RUFY2: variants seen among roughly 807,000 people sequenced by gnomAD.
RUFY2 encodes the protein RUN and FYVE domain containing 2.
RUFY2 carries 49 observed loss-of-function variants against 94.4 expected under a neutral mutation model. The observed-to-expected ratio is 0.52, with a 90% CI of 0.41 to 0.66. RUFY2 has a LOEUF of 0.66. Ranked by LOEUF, RUFY2 falls within the 30% of genes least tolerant of loss-of-function variation. The pLI is 0.00. For synonymous variants in RUFY2, 255 were observed against 235.7 expected (o/e 1.08, Z -0.75); for missense variants, 541 against 692.8 (o/e 0.78, Z 2.46).
chr10:68,353,870 T>C (rs940736840), intron 16 of RUFY2, among the ~76,000 whole-genome samples: 2 of 151,944 alleles, frequency 1.3e-5, no homozygotes, highest in African/African-American at 4.8e-5. Flanking sequence ...CAAAAAACCT[T>C]ACTTGATTAT....
intron 7 of RUFY2, among the ~76,000 whole-genome samples, chr10:68,392,015 T>C (rs1050239491): frequency 2.0e-5 from 3 of 150,742 alleles, no homozygotes; most frequent in Non-Finnish European, 4.4e-5. Flanking sequence ...GCATCTCATA[T>C]ATTTCTTTCT....
chr10:68,386,842 G>C (rs2049540105), intron 7 of RUFY2, among the ~76,000 whole-genome samples: 1 of 152,066 alleles, frequency 6.6e-6, no homozygotes. Context: ...GCTCCATTTT[G>C]ATTCCCCTCT....
At chr10:68,386,231 A>G in intron 7 of RUFY2, 103 bp from the exon 8 acceptor site, 3 of 793,184 alleles carry the variant, frequency 3.8e-6, no homozygotes, top group Non-Finnish European at 5.9e-6. Context: ...ACAGGCACCA[A>G]CTGCCCTGTC....
At chr10:68,389,513 C>T (rs1431472132) in intron 7 of RUFY2, among the ~76,000 whole-genome samples, 3 of 151,834 alleles carry the variant, frequency 2.0e-5, no homozygotes, top group Admixed American at 1.3e-4. Context: ...TCACTTGAAA[C>T]TGGAAGGCGG....
chr10:68,377,925 G>A (rs1397785825), intron 12 of RUFY2: 1 of 985,242 alleles, frequency 1.0e-6, no homozygotes, highest in Non-Finnish European at 1.2e-6. Context: ...TGCTTCCAAG[G>A]AAGGGAGAGT....
chr10:68,353,279 C>A (rs944949435), intron 16 of RUFY2, among the ~76,000 whole-genome samples: 1 of 150,056 alleles, frequency 6.7e-6, no homozygotes, highest in African/African-American at 2.5e-5. Flanking sequence ...TGCAATGAGC[C>A]GAGATCGCGC....
intron 15 of RUFY2, chr10:68,355,740 C>T (rs960944253): frequency 3.0e-5 from 5 of 166,956 alleles, no homozygotes; most frequent in African/African-American, 1.2e-4. Flanking sequence ...TGGTGAAACC[C>T]CGTCTCTACT....
intron 7 of RUFY2, among the ~76,000 whole-genome samples, chr10:68,391,534 G>A (rs986504354): frequency 1.3e-5 from 2 of 151,406 alleles, no homozygotes; most frequent in African/African-American, 4.9e-5. Context: ...TGTGGTCCCA[G>A]CTACTTGGGA....
Position 68,345,469 on chromosome 10 carries a change from C to A in RUFY2, c.*299G>T, listed in dbSNP as rs1002215245. The stretch of plus-strand genomic sequence containing the variant: ...ATTGACAGAATTCAGAAGAAAAAAA[C>A]AATCTGAAGCCTTATTTTTAAGGCC... On this transcript the variant is annotated 3_prime_UTR_variant, in exon 18 of 18. Coordinates refer to ENST00000602465, the MANE Select transcript of RUFY2 (RefSeq NM_001330103.2). 25 of 403,260 alleles carry A rather than the reference C, an allele frequency of 6.2e-5. No homozygotes were observed. Among genetic ancestry groups the A allele is most frequent in the Non-Finnish European group, 7.0e-5 (16 of 229,588 alleles). 25.0% of individuals were successfully genotyped at this position (403,260 alleles called of 1,614,324 possible).
intron 8 of RUFY2, 110 bp downstream of exon 8, chr10:68,385,949 A>G (rs2049463115): frequency 1.7e-6 from 1 of 595,460 alleles, no homozygotes; most frequent in African/African-American, 1.9e-5. Flanking sequence ...TTGCATCACA[A>G]TGATGAGTGT....
chr10:68,351,355 C>A (rs1203179021), intron 16 of RUFY2, among the ~76,000 whole-genome samples: 2 of 151,446 alleles, frequency 1.3e-5, no homozygotes, highest in Non-Finnish European at 2.9e-5. Context: ...CCAAGCTGGT[C>A]TCAAACTCCT....
At chr10:68,347,278 C>CTTTTTTTT (rs66465620) in intron 16 of RUFY2, among the ~76,000 whole-genome samples, 1 of 86,508 alleles carries the variant, frequency 1.2e-5, no homozygotes, top group Non-Finnish European at 2.1e-5. Context: ...CAACTTGACC[C>CTTTTTTTT]TTTTTTTTTT....
In RUFY2 at chr10:68,363,592, G is replaced by T; in HGVS notation, c.1548C>A (p.Ser516Arg). 1 of 1,585,840 alleles carries T rather than the reference G, an allele frequency of 6.3e-7. No homozygotes were observed. Among genetic ancestry groups the T allele is most frequent in the Non-Finnish European group, 8.6e-7 (1 of 1,168,688 alleles). The change falls in exon 15 of 18, where the codon AGC becomes AGA. Residue 516 changes from serine (S) to arginine (R), a missense_variant and splice_region_variant. Transcript: ENST00000602465. ...QALQELGNKL[S>R]ESKLKIEDIK... ...AGTTGAAGGAAAAAAGAAATTACTCGCTAAGCTTGTTGCCGAGTTCTTGAA... is the reference window on the plus strand; with the variant it reads ...AGTTGAAGGAAAAAAGAAATTACTCTCTAAGCTTGTTGCCGAGTTCTTGAA...
chr10:68,383,887 G>A lies in RUFY2; in HGVS notation c.850C>T (p.Leu284Phe). The change falls in exon 10 of 18, where the codon CTT becomes TTT. Residue 284 changes from leucine to phenylalanine, a missense_variant. Physicochemically the swap from Leu to Phe is conservative, Grantham distance 22. Around this residue, in one of 3 missense-constraint regions of RUFY2, gnomAD observed 403 missense variants for 480.7 expected, o/e 0.84. Transcript: ENST00000602465. Reference sequence around the variant, plus strand: ...TGACGAGAATGCTTATATGTTTGAAGCTCAGTTTCCACATCTACTTTGGTA... The same window carrying A: ...TGACGAGAATGCTTATATGTTTGAAACTCAGTTTCCACATCTACTTTGGTA... ...EVTKVDVETE[L>F]QTYKHSRQGL... is the part of the protein sequence containing the mutation. 2.5e-6 allele frequency: 4 copies of A among 1,613,706 alleles called. No individual in the cohort carries two copies. The highest frequency in any genetic ancestry group is 1.1e-5 in the South Asian group (1 of 91,068).
chr10:68,386,160 A>C, intron 7 of RUFY2, 32 bp from the exon 8 acceptor site: 1 of 1,574,818 alleles, frequency 6.3e-7, no homozygotes, highest in Non-Finnish European at 8.7e-7. Context: ...ACTCATTCAA[A>C]ATCACACGAA....
intron 7 of RUFY2, among the ~76,000 whole-genome samples, chr10:68,389,654 C>G (rs1440326008): frequency 6.6e-6 from 1 of 151,732 alleles, no homozygotes; most frequent in Non-Finnish European, 1.5e-5. Context: ...GTTGGCCAGG[C>G]ATGGTGGCTC....
intron 13 of RUFY2, 79 bp from the exon 14 acceptor site, chr10:68,364,192 C>T (rs2047649387): frequency 7.3e-7 from 1 of 1,369,144 alleles, no homozygotes; most frequent in Non-Finnish European, 9.8e-7. Flanking sequence ...CTAAAATCAC[C>T]CTTTTGGTTT....
At chr10:68,360,140 T>A (rs960526859) in intron 15 of RUFY2, among the ~76,000 whole-genome samples, 2 of 152,054 alleles carry the variant, frequency 1.3e-5, no homozygotes, top group African/African-American at 4.8e-5. Flanking sequence ...TATCTTTTTA[T>A]AAGAATTCTT....
intron 12 of RUFY2, chr10:68,378,629 G>T: frequency 6.2e-7 from 1 of 1,612,946 alleles, no homozygotes; most frequent in East Asian, 2.2e-5. Flanking sequence ...TTTCACCAAT[G>T]ACATTGCAAT....
Sources: gnomAD v4.1 joint callset for allele counts (sites outside exome capture counted in the v4.1 genomes callset) on GRCh38, gnomAD v4.1.1 for gene constraint, gnomAD v4.1.1 regional missense constraint, MANE v1.5 for transcripts, NCBI Gene and HGNC (gene_info 2026-07-23, HGNC 2026-07-21) for gene names.